The following NLGN1 variants were observed in gnomAD, a reference collection of about 807,000 sequenced individuals.
NLGN1 encodes neuroligin-1.
A neutral mutation model predicts 65.5 loss-of-function variants in NLGN1; 12 were observed. The observed-to-expected ratio is 0.18, with a 90% CI of 0.12 to 0.30. The LOEUF (loss-of-function observed/expected upper bound fraction) is 0.30, where lower values mean the gene tolerates loss of function less well. Among genes scored for constraint, NLGN1 ranks in the 10% least tolerant of loss-of-function variants. The probability of loss-of-function intolerance (pLI) is 1.00; values close to 1 mark genes in which losing one functional copy is unlikely to be tolerated. For missense variants in NLGN1, 750 were observed against 1,007.1 expected (o/e 0.74, Z 3.46); for synonymous variants, 350 against 359.5 (o/e 0.97, Z 0.30).
At chr3:174,213,233 ATTTG>A (rs902656288) in intron 4 of NLGN1, among the ~76,000 whole-genome samples, 5 of 152,164 alleles carry the variant, frequency 3.3e-5, no homozygotes, top group Non-Finnish European at 5.9e-5. Context: ...ATACGGTACC[ATTTG>A]AGTTGTGGGC....
At chr3:173,914,954 A>C (rs1275972801) in intron 4 of NLGN1, 1 of 152,210 alleles carries the variant, frequency 6.6e-6, no homozygotes, top group African/African-American at 2.4e-5. Flanking sequence ...TTTTATTTTC[A>C]ACGGCGAATA....
chr3:173,524,715 C>T (rs1735341752), intron 2 of NLGN1, among the ~76,000 whole-genome samples: 1 of 152,088 alleles, frequency 6.6e-6, no homozygotes. Flanking sequence ...ATATATGGTT[C>T]TTACTGTTTT....
intron 3 of NLGN1, 46 bp from the exon 3 acceptor site, chr3:173,605,488 A>G (rs3853390): frequency 0.14 from 149,289 of 1,076,356 alleles, 11,356 homozygotes; most frequent in Middle Eastern, 0.26. Context: ...CCGGCGGTCT[A>G]TGATGGAGCG....
At chr3:174,291,922 A>C in the NLGN1 span, among the ~76,000 whole-genome samples, 1 of 151,274 alleles carries the variant, frequency 6.6e-6, no homozygotes, top group Non-Finnish European at 1.5e-5. Context: ...TATGAAGGTA[A>C]TAGAAAAATC....
chr3:173,750,503 T>C (rs564618966), intron 3 of NLGN1, among the ~76,000 whole-genome samples: 1 of 152,212 alleles, frequency 6.6e-6, no homozygotes, highest in African/African-American at 2.4e-5. Context: ...TTTAACAAAA[T>C]GTAACAAAAC....
intron 4 of NLGN1, among the ~76,000 whole-genome samples, chr3:173,860,842 G>T (rs151013989): frequency 5.3e-5 from 8 of 150,728 alleles, no homozygotes; most frequent in Non-Finnish European, 1.0e-4. Flanking sequence ...AAATATGAAG[G>T]GGGGGTTACC....
chr3:173,556,849 G>T (rs1741790568), intron 2 of NLGN1, among the ~76,000 whole-genome samples: 1 of 151,724 alleles, frequency 6.6e-6, no homozygotes, highest in African/African-American at 2.4e-5. Flanking sequence ...ATGCTATTGT[G>T]CCTGAGAAAA....
chr3:173,766,103 T>G (rs1480851621), intron 3 of NLGN1, among the ~76,000 whole-genome samples: 1 of 151,690 alleles, frequency 6.6e-6, no homozygotes, highest in Non-Finnish European at 1.5e-5. Context: ...TTTTTTTTTT[T>G]TCTGAGACAG....
At chr3:173,807,111 T>C (rs1193156986) in intron 3 of NLGN1, among the ~76,000 whole-genome samples, 1 of 152,192 alleles carries the variant, frequency 6.6e-6, no homozygotes, top group Non-Finnish European at 1.5e-5. Flanking sequence ...TAAACATTCA[T>C]CTGACATTAC....
At chr3:174,238,272 C>T (rs1561360997) in intron 4 of NLGN1, among the ~76,000 whole-genome samples, 1 of 152,028 alleles carries the variant, frequency 6.6e-6, no homozygotes, top group Non-Finnish European at 1.5e-5. Flanking sequence ...TGTCTAAACT[C>T]TTAAGGTTAA....
intron 2 of NLGN1, among the ~76,000 whole-genome samples, chr3:173,520,912 C>T (rs1417726860): frequency 6.6e-6 from 1 of 152,134 alleles, no homozygotes; most frequent in Non-Finnish European, 1.5e-5. Flanking sequence ...CCTCGGTTGG[C>T]AGCATCCTTC....
chr3:173,988,202 C>T (rs61180090), intron 4 of NLGN1, among the ~76,000 whole-genome samples: 1,610 of 152,176 alleles, frequency 0.011, 25 homozygotes, highest in African/African-American at 0.034. Context: ...TGAAATACAA[C>T]CCGTCTATAA....
At chr3:173,608,054 T>C (rs770646989) in intron 3 of NLGN1, among the ~76,000 whole-genome samples, 10 of 151,884 alleles carry the variant, frequency 6.6e-5, no homozygotes, top group Non-Finnish European at 1.0e-4. Context: ...ATAGAACTTA[T>C]AATCAAACAA....
At chr3:173,578,584 C>T (rs1360757951) in intron 2 of NLGN1, among the ~76,000 whole-genome samples, 1 of 152,124 alleles carries the variant, frequency 6.6e-6, no homozygotes, top group East Asian at 1.9e-4. Context: ...ATACTGGAAA[C>T]ATAGACTCAA....
At chr3:173,729,598 T>C (rs551981908) in intron 3 of NLGN1, among the ~76,000 whole-genome samples, 2 of 152,146 alleles carry the variant, frequency 1.3e-5, no homozygotes, top group Non-Finnish European at 2.9e-5. Context: ...TTTATTATAA[T>C]GCCTTTGATG....
chr3:174,237,741 G>C (rs1742007194), intron 4 of NLGN1, among the ~76,000 whole-genome samples: 1 of 152,134 alleles, frequency 6.6e-6, no homozygotes, highest in African/African-American at 2.4e-5. Context: ...ATTTTTAGTA[G>C]AGTTGGGGTT....
In NLGN1 at chr3:173,743,289, A is replaced by G. The variant is rs531979008; in HGVS notation, c.494-64391A>G. Among the ~76,000 whole-genome samples, 50 of 152,302 alleles carry G rather than the reference A, an allele frequency of 3.3e-4. No individual in the cohort carries two copies. The South Asian group carries it at 4.3e-3, about 13-fold the overall frequency. Reference sequence around the variant, plus strand: ...ATGCAAGCATCTAACAAGTTGTAACATGTACGGAATTCTGAGTAGCTTGTC... The same window carrying G: ...ATGCAAGCATCTAACAAGTTGTAACGTGTACGGAATTCTGAGTAGCTTGTC... On this transcript the variant is annotated intron_variant, in intron 3 of 6. Coordinates refer to ENST00000457714, the Ensembl canonical transcript of NLGN1.
At chr3:173,641,061 A>G (rs541407441) in intron 3 of NLGN1, among the ~76,000 whole-genome samples, 2 of 152,294 alleles carry the variant, frequency 1.3e-5, no homozygotes, top group African/African-American at 2.4e-5. Flanking sequence ...ATATTTTAAG[A>G]TAGTGTACCT....
At chr3:173,777,967 T>C (rs1780568371) in intron 3 of NLGN1, among the ~76,000 whole-genome samples, 1 of 151,836 alleles carries the variant, frequency 6.6e-6, no homozygotes, top group South Asian at 2.1e-4. Flanking sequence ...AATACTTCAC[T>C]ATATAAATGT....
Sources: gnomAD v4.1 joint callset for allele counts (sites outside exome capture counted in the v4.1 genomes callset) on GRCh38, gnomAD v4.1.1 for gene constraint, MANE v1.5 for transcripts, NCBI Gene and HGNC (gene_info 2026-07-23, HGNC 2026-07-21) for gene names.